SLC24A2: variants seen among roughly 807,000 people sequenced by gnomAD.
SLC24A2 encodes sodium/potassium/calcium exchanger 2.
A neutral mutation model predicts 62.0 loss-of-function variants in SLC24A2; 36 were observed. The ratio of observed to expected loss-of-function variants is 0.58; its 90% CI spans 0.44 to 0.77. The LOEUF (loss-of-function observed/expected upper bound fraction) is 0.77, where lower values mean the gene tolerates loss of function less well. Among genes scored for constraint, SLC24A2 ranks in the 30% least tolerant of loss-of-function variants. SLC24A2 has a pLI of 0.00. For synonymous variants in SLC24A2, 358 were observed against 294.0 expected, an observed-to-expected ratio of 1.22 and a Z score of -2.23; for missense variants, 846 against 817.9, an observed-to-expected ratio of 1.03 and a Z score of -0.42.
Position 19,691,231 on chromosome 9 carries a change from A to G in SLC24A2, c.931-68932T>C, listed in dbSNP as rs1461782993. Among the ~76,000 whole-genome samples, 3 of 152,130 alleles carry G rather than the reference A, an allele frequency of 2.0e-5. No individual in the cohort carries two copies. The East Asian group carries it at 5.8e-4, about 29-fold the overall frequency. ...GGAAGGGTCTTTAACTACCTCAACCAAAAAAGGAAGTTCAATAGACAAAGG... is the reference window on the plus strand; with the variant it reads ...GGAAGGGTCTTTAACTACCTCAACCGAAAAAGGAAGTTCAATAGACAAAGG... On this transcript the variant is annotated intron_variant, in intron 2 of 10. Coordinates refer to ENST00000341998, the MANE Select transcript of SLC24A2 (RefSeq NM_020344.4).
In SLC24A2 at chr9:19,577,078, G is replaced by A. The variant is rs541604692; in HGVS notation, c.1130-56C>T. 1.9e-5 allele frequency: 26 copies of A among 1,404,380 alleles called. 2 individuals are homozygous for A. The African/African-American group carries it at 2.7e-4, about 14-fold the overall frequency. The allele number at this position is 1,404,380 out of a possible 1,614,324, so 87.0% of individuals were successfully genotyped here. On this transcript the variant is annotated intron_variant, in intron 5 of 10. Transcript: ENST00000341998. ...CACAATGAGAAAGAAGAGAGTCTCAGGGCCAAGCAGGTATGTGGCCTCCTC... is the reference window on the plus strand; with the variant it reads ...CACAATGAGAAAGAAGAGAGTCTCAAGGCCAAGCAGGTATGTGGCCTCCTC...
At chr9:20,179,469 C>G in the SLC24A2 span, among the ~76,000 whole-genome samples, 1 of 152,198 alleles carries the variant, frequency 6.6e-6, no homozygotes, top group East Asian at 1.9e-4. Context: ...TCAGCAGTTG[C>G]TGGTCCATGC....
chr9:19,789,289 C>T (rs1266516264), upstream of SLC24A2, among the ~76,000 whole-genome samples: 2 of 152,238 alleles, frequency 1.3e-5, no homozygotes, highest in African/African-American at 4.8e-5. Context: ...GTCGGTGACG[C>T]GCCTAATTCA....
At chr9:20,089,805 A>G in the SLC24A2 span, among the ~76,000 whole-genome samples, 4 of 151,676 alleles carry the variant, frequency 2.6e-5, no homozygotes, top group African/African-American at 9.7e-5. Context: ...ACACCACAGC[A>G]TACCACAGAA....
intron 7 of SLC24A2, among the ~76,000 whole-genome samples, chr9:19,567,108 TAA>T (rs199952015): frequency 1.6e-5 from 2 of 121,582 alleles, no homozygotes; most frequent in African/African-American, 6.0e-5. Context: ...TAAAGTATAA[TAA>T]AAAAAATATA....
At chr9:20,046,200 CA>C in the SLC24A2 span, among the ~76,000 whole-genome samples, 2 of 152,212 alleles carry the variant, frequency 1.3e-5, no homozygotes, top group East Asian at 3.8e-4. Flanking sequence ...AAAATAAAGA[CA>C]AGTGCCCACT....
chr9:19,693,699 T>A (rs921565191), intron 2 of SLC24A2, among the ~76,000 whole-genome samples: 30 of 152,146 alleles, frequency 2.0e-4, no homozygotes, highest in Non-Finnish European at 3.2e-4. Flanking sequence ...TTTCATTTTG[T>A]TTTTAAGATG....
chr9:20,127,410 C>A, the SLC24A2 span, among the ~76,000 whole-genome samples: 1 of 152,056 alleles, frequency 6.6e-6, no homozygotes, highest in Admixed American at 6.6e-5. Flanking sequence ...ATTTTAACAA[C>A]AATGGAGAGA....
At chr9:19,582,446 G>C (rs1435887421) in intron 5 of SLC24A2, among the ~76,000 whole-genome samples, 1 of 152,134 alleles carries the variant, frequency 6.6e-6, no homozygotes, top group Non-Finnish European at 1.5e-5. Flanking sequence ...CAGAAACAAC[G>C]ATGGGACAAA....
intron 8 of SLC24A2, among the ~76,000 whole-genome samples, chr9:19,533,298 C>T (rs1328281332): frequency 6.6e-6 from 1 of 152,088 alleles, no homozygotes; most frequent in African/African-American, 2.4e-5. Flanking sequence ...TTAATTTTTC[C>T]CCTCTCTTTC....
intron 4 of SLC24A2, among the ~76,000 whole-genome samples, chr9:19,615,220 A>G (rs976319790): frequency 6.6e-6 from 1 of 152,340 alleles, no homozygotes; most frequent in African/African-American, 2.4e-5. Flanking sequence ...CTGCTTTCAA[A>G]TGAATTTGAA....
chr9:20,251,878 T>C, the SLC24A2 span, among the ~76,000 whole-genome samples: 1 of 152,192 alleles, frequency 6.6e-6, no homozygotes, highest in Non-Finnish European at 1.5e-5. Flanking sequence ...CCAGGTATTA[T>C]AGCCATGCTC....
the SLC24A2 span, among the ~76,000 whole-genome samples, chr9:20,189,426 G>T: frequency 6.6e-6 from 1 of 152,160 alleles, no homozygotes; most frequent in Non-Finnish European, 1.5e-5. Context: ...CCGAAAACCA[G>T]TAGCTTCTAT....
chr9:19,936,554 G>T, the SLC24A2 span, among the ~76,000 whole-genome samples: 1 of 152,146 alleles, frequency 6.6e-6, no homozygotes, highest in South Asian at 2.1e-4. Flanking sequence ...GATTACAGGC[G>T]CTCAGCCTCT....
At chr9:19,898,051 A>T in the SLC24A2 span, among the ~76,000 whole-genome samples, 2 of 152,194 alleles carry the variant, frequency 1.3e-5, no homozygotes, top group Non-Finnish European at 2.9e-5. Context: ...AAGAGTTGAG[A>T]AGTAAAGGCC....
At chr9:20,102,961 G>A in the SLC24A2 span, among the ~76,000 whole-genome samples, 1 of 152,314 alleles carries the variant, frequency 6.6e-6, no homozygotes, top group East Asian at 1.9e-4. Flanking sequence ...AGGGGTGACA[G>A]ACGGTACCTG....
the SLC24A2 span, among the ~76,000 whole-genome samples, chr9:20,190,631 G>C: frequency 2.0e-5 from 3 of 152,090 alleles, no homozygotes; most frequent in East Asian, 5.8e-4. Flanking sequence ...CATACAACTA[G>C]TAAGTTATGG....
At chr9:19,966,617 A>T in the SLC24A2 span, among the ~76,000 whole-genome samples, 1 of 152,222 alleles carries the variant, frequency 6.6e-6, no homozygotes, top group Non-Finnish European at 1.5e-5. Context: ...CATTCTCACT[A>T]ATAAAAATGT....
chr9:19,513,173 T>TATATATATATAC lies in SLC24A2; in HGVS notation c.*2979_*2980insGTATATATATAT, dbSNP rs1426104637. On this transcript the variant is annotated 3_prime_UTR_variant, in exon 11 of 11. Coordinates refer to ENST00000341998, the MANE Select transcript of SLC24A2 (RefSeq NM_020344.4). The stretch of plus-strand genomic sequence containing the variant: ...ATAAAGATATATATATATATATATA[T>TATATATATATAC]ATGTATATATATATATATGTATATA... 1.2e-4 allele frequency: 7 copies of TATATATATATAC among 59,708 alleles called. No homozygotes were observed. Among genetic ancestry groups the TATATATATATAC allele is most frequent in the African/African-American group, 4.5e-4 (7 of 15,442 alleles). The allele number at this position is 59,708 out of a possible 1,614,324, so 3.7% of individuals were successfully genotyped here.
Sources: allele counts gnomAD v4.1 joint callset (sites outside exome capture counted in the v4.1 genomes callset), GRCh38; gene constraint gnomAD v4.1.1; transcripts MANE v1.5; gene names NCBI Gene and HGNC (gene_info 2026-07-23, HGNC 2026-07-21).